The following LGR6 variants were observed in gnomAD, a reference collection of about 807,000 sequenced individuals.
LGR6 encodes leucine rich repeat containing G protein-coupled receptor 6.
In LGR6, 45 loss-of-function variants were observed where a neutral mutation model predicts 69.4. That is an observed-to-expected ratio of 0.65 (90% CI 0.51 to 0.83). LGR6 has a LOEUF of 0.83. LGR6 is among the 40% of genes least tolerant of loss of function. The pLI, the probability that LGR6 is intolerant of heterozygous loss-of-function variation, is 0.00. For synonymous variants in LGR6, 538 were observed against 555.0 expected (o/e 0.97, Z 0.43); for missense variants, 1,108 against 1,246.7 (o/e 0.89, Z 1.68).
intron 5 of LGR6, 41 bp from the exon 6 acceptor site, chr1:202,280,740 C>T: frequency 6.3e-7 from 1 of 1,593,926 alleles, no homozygotes; most frequent in Non-Finnish European, 8.6e-7. Context: ...GGCCCCAGTG[C>T]CGTGGGCACC....
chr1:202,306,720 A>T, intron 12 of LGR6, 148 bp from the exon 13 acceptor site: 1 of 751,420 alleles, frequency 1.3e-6, no homozygotes, highest in Non-Finnish European at 2.3e-6. Flanking sequence ...TGCTCCCTTT[A>T]ATTCTGGTGA....
chr1:202,252,240 C>G (rs994117264), intron 4 of LGR6, among the ~76,000 whole-genome samples: 16 of 152,164 alleles, frequency 1.1e-4, no homozygotes, highest in African/African-American at 3.9e-4. Flanking sequence ...GTCCTTCTAC[C>G]TCCATGCATT....
chr1:202,242,655 G>A (rs188757265), intron 4 of LGR6, among the ~76,000 whole-genome samples: 1 of 152,138 alleles, frequency 6.6e-6, no homozygotes, highest in Non-Finnish European at 1.5e-5. Flanking sequence ...CAGTCTCCTG[G>A]GAATGCTGTG....
At chr1:202,210,990 C>T (rs1244677267) in intron 1 of LGR6, among the ~76,000 whole-genome samples, 1 of 152,180 alleles carries the variant, frequency 6.6e-6, no homozygotes, top group East Asian at 1.9e-4. Context: ...AGGAGACAAG[C>T]ATAGGCTGGT....
At chr1:202,221,488 G>A (rs1379068492) in intron 1 of LGR6, among the ~76,000 whole-genome samples, 1 of 152,044 alleles carries the variant, frequency 6.6e-6, no homozygotes, top group Non-Finnish European at 1.5e-5. Flanking sequence ...TTCCCCTCCT[G>A]CACGTCTCTC....
intron 16 of LGR6, among the ~76,000 whole-genome samples, chr1:202,314,539 A>G (rs705770): frequency 0.45 from 68,264 of 152,076 alleles, 16,631 homozygotes; most frequent in East Asian, 0.7. Context: ...TGGAGAGGAC[A>G]TAGAGCCCTG....
intron 4 of LGR6, among the ~76,000 whole-genome samples, chr1:202,258,838 T>A (rs12117590): frequency 0.075 from 11,380 of 152,092 alleles, 533 homozygotes; most frequent in Middle Eastern, 0.12. Flanking sequence ...CAATGACTAT[T>A]AGCAATTATG....
chr1:202,263,185 C>T (rs1260139947), intron 4 of LGR6, among the ~76,000 whole-genome samples: 4 of 152,018 alleles, frequency 2.6e-5, no homozygotes, highest in Non-Finnish European at 4.4e-5. Context: ...TGCAGTTGTA[C>T]GATCTTGGCG....
At chr1:202,251,938 G>T (rs1663289343) in intron 4 of LGR6, among the ~76,000 whole-genome samples, 1 of 152,100 alleles carries the variant, frequency 6.6e-6, no homozygotes, top group Non-Finnish European at 1.5e-5. Context: ...CTGAGGGGAT[G>T]AGGGGGAGAT....
chr1:202,312,529 G>A (rs1653822265), intron 16 of LGR6, among the ~76,000 whole-genome samples: 1 of 152,084 alleles, frequency 6.6e-6, no homozygotes, highest in Admixed American at 6.5e-5. Flanking sequence ...CCCTTTAAGT[G>A]AGGAGGAAGG....
At chr1:202,306,562 A>G (rs1018525353) in intron 12 of LGR6, among the ~76,000 whole-genome samples, 2 of 152,166 alleles carry the variant, frequency 1.3e-5, no homozygotes, top group African/African-American at 2.4e-5. Flanking sequence ...TGGAGGACCC[A>G]TGGTGATGGG....
chr1:202,291,485 A>G (rs1253363760), intron 6 of LGR6, among the ~76,000 whole-genome samples: 1 of 152,266 alleles, frequency 6.6e-6, no homozygotes, highest in Non-Finnish European at 1.5e-5. Context: ...CCCCATCTTG[A>G]GACCCTGCAC....
intron 1 of LGR6, among the ~76,000 whole-genome samples, chr1:202,224,985 T>C (rs1660410454): frequency 6.6e-6 from 1 of 152,212 alleles, no homozygotes; most frequent in African/African-American, 2.4e-5. Flanking sequence ...ATAGCAGTGA[T>C]CTCTGGGCCT....
intron 4 of LGR6, among the ~76,000 whole-genome samples, chr1:202,262,466 G>A (rs1418865619): frequency 6.6e-6 from 1 of 152,036 alleles, no homozygotes; most frequent in Non-Finnish European, 1.5e-5. Flanking sequence ...TTTGGTACCA[G>A]TACCATGCTG....
intron 1 of LGR6, among the ~76,000 whole-genome samples, chr1:202,205,294 TCCTTCAAGCACACACACGCA>T (rs1659123171): frequency 3.8e-3 from 3 of 782 alleles, no homozygotes; most frequent in African/African-American, 6.8e-3. Context: ...AACACACACC[TCCTTCAAGCACACACACGCA>T]CCTCCAAACA....
In LGR6 at chr1:202,257,693, A is replaced by T. The variant is rs140518730; in HGVS notation, c.429-18613A>T. 2.8e-3 allele frequency among the ~76,000 whole-genome samples: 419 copies of T among 152,244 alleles called. 6 individuals carry two copies. The highest frequency in any genetic ancestry group is 9.6e-3 in the African/African-American group (400 of 41,556). On this transcript the variant is annotated intron_variant, in intron 4 of 17. Transcript: ENST00000367278. ...ATTGATCTACATATCTATCCTTACC[A>T]TATAGGGCTATATGGTCTGCATTAC...
chr1:202,225,619 G>A, intron 2 of LGR6, 125 bp downstream of exon 2: 1 of 750,508 alleles, frequency 1.3e-6, no homozygotes, highest in Non-Finnish European at 2.2e-6. Flanking sequence ...GACAGTTCTT[G>A]ACAGCAGGGT....
chr1:202,225,257 A>G lies in LGR6; in HGVS notation c.213-166A>G. The G allele has an allele frequency of 7.9e-6, 5 of 635,506 alleles. 1 individual carries two copies. The South Asian group carries it at 8.3e-5, about 11-fold the overall frequency. 39.4% of individuals were successfully genotyped at this position (635,506 alleles called of 1,614,324 possible). A position where few individuals can be genotyped will look rare whatever the true frequency, so the allele number is the denominator to read the frequency against. On this transcript the variant is annotated intron_variant, in intron 1 of 17. Transcript: ENST00000367278. ...GACTCCCAGCTCAGTTCTTGCTCTT[A>G]GAGAGAACGCAGCTGCTGTTGTCAG...
In LGR6 at chr1:202,272,449, A is replaced by G. The variant is rs111584525; in HGVS notation, c.429-3857A>G. ...CTTTGGTGTGTCCCAGTTCCCAAGT[A>G]CCAGGAGCAGGGCAGCAAACACCTC... On this transcript the variant is annotated intron_variant, in intron 4 of 17. Coordinates refer to ENST00000367278, the MANE Select transcript of LGR6 (RefSeq NM_001017403.2). Among the ~76,000 whole-genome samples, 1,230 of 152,166 alleles carry G rather than the reference A, an allele frequency of 8.1e-3. 18 individuals carry two copies. Among genetic ancestry groups the G allele is most frequent in the African/African-American group, 0.028 (1,154 of 41,510 alleles).
Sources: allele counts gnomAD v4.1 joint callset (sites outside exome capture counted in the v4.1 genomes callset), GRCh38; gene constraint gnomAD v4.1.1; transcripts MANE v1.5; gene names NCBI Gene and HGNC (gene_info 2026-07-23, HGNC 2026-07-21).